OCSTAMP: variants seen among roughly 807,000 people sequenced by gnomAD.
The protein encoded by OCSTAMP is osteoclast stimulatory transmembrane protein.
A neutral mutation model predicts 25.2 loss-of-function variants in OCSTAMP; 17 were observed. That is an observed-to-expected ratio of 0.68 (90% CI 0.46 to 1.01). OCSTAMP has a LOEUF of 1.01. Among genes scored for constraint, OCSTAMP ranks in the 50% least tolerant of loss-of-function variants. The pLI is 0.00. For synonymous variants in OCSTAMP, 345 were observed against 318.9 expected (o/e 1.08, Z -0.87); for missense variants, 664 against 694.6 (o/e 0.96, Z 0.50).
At position 46,549,574 on chromosome 20, in the gene OCSTAMP, G is replaced by T. The variant is rs2061863810; in HGVS notation, c.44+943C>A. On this transcript the variant is annotated intron_variant, in intron 1 of 2. Coordinates refer to ENST00000279028, the MANE Select transcript of OCSTAMP (RefSeq NM_080721.3). ...CCCTGGAAGAGGTGACATTCCAGCT[G>T]GGGGTGGAAGGACAAGTGTCAGTTT... Among the ~76,000 whole-genome samples, 5 of 152,162 alleles carry T rather than the reference G, an allele frequency of 3.3e-5. No individual in the cohort carries two copies. In the South Asian group the frequency reaches 1.0e-3, roughly 32 times the overall value.
intron 1 of OCSTAMP, among the ~76,000 whole-genome samples, chr20:46,549,278 C>T (rs2146056436): frequency 6.6e-6 from 1 of 152,280 alleles, no homozygotes; most frequent in South Asian, 2.1e-4. Context: ...TAAAACTGCA[C>T]CACTTGTTAC....
At position 46,550,527 on chromosome 20, in the gene OCSTAMP, C is replaced by T. The variant is rs937395451; in HGVS notation, c.34G>A (p.Val12Ile). The T allele has an allele frequency of 6.4e-7, 1 of 1,551,722 alleles. No individual in the cohort carries two copies. Among genetic ancestry groups the T allele is most frequent in the Admixed American group, 2.0e-5 (1 of 51,012 alleles). ...PGHPGAAEQL[V>I]KTGWRSWHLG... ...AGTCCCCAGACCTACCCGGTCTTGA[C>T]AAGTTGCTCAGCTGCTCCTGGGTGG... Residue 12 changes from valine to isoleucine, a missense_variant, in exon 1 of 3, where the codon GTC becomes ATC. Physicochemically the swap from Val to Ile is conservative, Grantham distance 29 (BLOSUM62 3). Transcript: ENST00000279028.
Position 46,545,744 on chromosome 20 carries a change from A to G in OCSTAMP, c.630T>C (p.Asp210=). 1 of 1,551,550 alleles carries G rather than the reference A, an allele frequency of 6.4e-7. No homozygotes were observed. The highest frequency in any genetic ancestry group is 1.4e-5 in the African/African-American group (1 of 73,174). The part of the protein sequence containing the change: ...MLRVTQQVLE[D]FSGLESLARA... ...GGGCCAGGGACTCCAGGCCAGAGAA[A>G]TCCTCCAGGACCTGCTGAGTGACCC... is the stretch of plus-strand genomic sequence containing the variant. The change falls in exon 2 of 3, where the codon GAT becomes GAC. Residue 210 remains aspartate (D), a synonymous_variant. Transcript: ENST00000279028.
rs943635915 is a variant in OCSTAMP at position 46,546,305 on chromosome 20, G to A, written c.69C>T (p.Phe23=). ...CCTGCAGTGGGGCAAGGGCCTTCCA[G>A]AACCCCAAGTGCCAGGACCTCCACC... The part of the protein sequence containing the change: ...KTGWRSWHLG[F]WKALAPLQAA... The change falls in exon 2 of 3, where the codon TTC becomes TTT. Residue 23 remains phenylalanine, a synonymous_variant. Coordinates refer to ENST00000279028, the MANE Select transcript of OCSTAMP (RefSeq NM_080721.3). 1 of 1,548,204 alleles carries A rather than the reference G, an allele frequency of 6.5e-7. No homozygotes were observed.
chr20:46,546,979 G>A (rs2061855286), intron 1 of OCSTAMP, among the ~76,000 whole-genome samples: 1 of 152,232 alleles, frequency 6.6e-6, no homozygotes, highest in African/African-American at 2.4e-5. Flanking sequence ...CTTGCACTAT[G>A]TTAAGAGCGA....
Position 46,550,479 on chromosome 20 carries a change from C to A in OCSTAMP, c.44+38G>T, listed in dbSNP as rs913853873. 9.1e-6 allele frequency: 14 copies of A among 1,541,630 alleles called. No individual in the cohort carries two copies. In the African/African-American group the frequency reaches 1.9e-4, roughly 21 times the overall value. On this transcript the variant is annotated intron_variant, in intron 1 of 2. Transcript: ENST00000279028. Reference sequence around the variant, plus strand: ...CACCCCCAATGGCTGACTGTTTTCTCACCTGTAGCCCTCAGTGTCCAAAGT... The same window carrying A: ...CACCCCCAATGGCTGACTGTTTTCTAACCTGTAGCCCTCAGTGTCCAAAGT...
rs898119924 is a variant in OCSTAMP at position 46,550,591 on chromosome 20, C to T, written c.-31G>A. ...CCAAATGGCAGTGGTTTCAGGCGGGCGGTCGCTGGCAGCTGTGGCAGGTGG... is the reference window on the plus strand; with the variant it reads ...CCAAATGGCAGTGGTTTCAGGCGGGTGGTCGCTGGCAGCTGTGGCAGGTGG... On this transcript the variant is annotated 5_prime_UTR_variant, in exon 1 of 3. Coordinates refer to ENST00000279028, the MANE Select transcript of OCSTAMP (RefSeq NM_080721.3). 1.5e-5 allele frequency: 24 copies of T among 1,550,768 alleles called. No individual in the cohort carries two copies. Among genetic ancestry groups the T allele is most frequent in the East Asian group, 9.8e-5 (4 of 40,904 alleles).
Position 46,545,310 on chromosome 20 carries a change from C to G in OCSTAMP, c.1047+17G>C, listed in dbSNP as rs2061847555. ...CAAAACAATGACTCCCTTCCCTTTTCCCATCATCACACTTACATCATACTT... is the reference window on the plus strand; with the variant it reads ...CAAAACAATGACTCCCTTCCCTTTTGCCATCATCACACTTACATCATACTT... On this transcript the variant is annotated intron_variant, in intron 2 of 2. Transcript: ENST00000279028. The G allele has an allele frequency of 1.4e-6, 2 of 1,447,772 alleles. No homozygotes were observed. Among genetic ancestry groups the G allele is most frequent in the Non-Finnish European group, 9.1e-7 (1 of 1,098,296 alleles). The allele number at this position is 1,447,772 out of a possible 1,614,324, so 89.7% of individuals were successfully genotyped here.
Position 46,541,814 on chromosome 20 carries a change from G to C in OCSTAMP, c.1161C>G (p.Ala387=). The C allele has an allele frequency of 6.8e-7, 1 of 1,480,150 alleles. No homozygotes were observed. Among genetic ancestry groups the C allele is most frequent in the Non-Finnish European group, 8.9e-7 (1 of 1,119,940 alleles). 91.7% of individuals were successfully genotyped at this position (1,480,150 alleles called of 1,614,324 possible). The part of the protein sequence containing the change: ...SYQWELRLTS[A]RCPLLPARRP... ...GCCGGGCGGGTAGCAGTGGGCAGCG[G>C]GCGGAGGTGAGGCGGAGCTCCCATT... The change falls in exon 3 of 3, where the codon GCC becomes GCG. Residue 387 remains alanine, a synonymous_variant. Transcript: ENST00000279028.
chr20:46,546,304 AGAACCCCAAGTGCCAGGAC>A lies in OCSTAMP; in HGVS notation c.51_69del (p.Arg17SerfsTer27). ...GCCTGCAGTGGGGCAAGGGCCTTCC[AGAACCCCAAGTGCCAGGAC>A]CTCCACCTGCACACAAGGAAATTGA... On this transcript the variant is annotated frameshift_variant, in exon 2 of 3. Transcript: ENST00000279028. LOFTEE classifies it high-confidence loss of function. 1 of 1,549,298 alleles carries A rather than the reference AGAACCCCAAGTGCCAGGAC, an allele frequency of 6.5e-7. No homozygotes were observed. The highest frequency in any genetic ancestry group is 8.7e-7 in the Non-Finnish European group (1 of 1,146,602).
rs150098469 is a variant in OCSTAMP at position 46,549,963 on chromosome 20, AC to A, written c.44+553del. ...AGCTGGAGCTGAGTATCCACTACCC[AC>A]CTTTGACAGGGGAGCAGCCCTGCAG... On this transcript the variant is annotated intron_variant, in intron 1 of 2. Transcript: ENST00000279028. Among the ~76,000 whole-genome samples the A allele has an allele frequency of 4.2e-3, 644 of 152,162 alleles. 4 individuals are homozygous for A. The highest frequency in any genetic ancestry group is 0.015 in the African/African-American group (616 of 41,488).
chr20:46,542,238 C>A (rs1309055684), intron 2 of OCSTAMP, among the ~76,000 whole-genome samples: 1 of 152,152 alleles, frequency 6.6e-6, no homozygotes, highest in Non-Finnish European at 1.5e-5. Flanking sequence ...CCTATTCCAT[C>A]CAATATACAC....
intron 2 of OCSTAMP, among the ~76,000 whole-genome samples, chr20:46,542,383 C>T (rs1043246907): frequency 6.6e-6 from 1 of 152,000 alleles, no homozygotes; most frequent in African/African-American, 2.4e-5. Flanking sequence ...AGTTCGAGAC[C>T]AGCTTGGCTA....
Position 46,545,475 on chromosome 20 carries a change from A to T in OCSTAMP, c.899T>A (p.Leu300His), listed in dbSNP as rs1192592023. 6.4e-7 allele frequency: 1 copy of T among 1,551,496 alleles called. No individual in the cohort carries two copies. Among genetic ancestry groups the T allele is most frequent in the Non-Finnish European group, 8.7e-7 (1 of 1,146,940 alleles). The stretch of plus-strand genomic sequence containing the variant: ...CAGGGCAAGCAGCCCCAGCCTTAGA[A>T]GACAACTCAACAGCTCCTCCTGTGA... ...RLSQEELLSC[L>H]LRLGLLALLL... The change falls in exon 2 of 3, where the codon CTT (leucine) becomes CAT (histidine). Residue 300 changes from leucine (L) to histidine (H), a missense_variant. Physicochemically the swap from Leu to His is moderately conservative, Grantham distance 99. Coordinates refer to ENST00000279028, the MANE Select transcript of OCSTAMP (RefSeq NM_080721.3).
Position 46,541,931 on chromosome 20 carries a change from G to T in OCSTAMP, c.1048-4C>A. On this transcript the variant is annotated splice_polypyrimidine_tract_variant and splice_region_variant and intron_variant, in intron 2 of 2. Coordinates refer to ENST00000279028, the MANE Select transcript of OCSTAMP (RefSeq NM_080721.3). ...AGCCCAGGACAGTGTATGCCACCTT[G>T]GGAAAGGAGAAAAAGGCAGGGTCAA... The T allele has an allele frequency of 7.0e-7, 1 of 1,420,388 alleles. No homozygotes were observed. Among genetic ancestry groups the T allele is most frequent in the South Asian group, 1.6e-5 (1 of 62,628 alleles). 88.0% of individuals were successfully genotyped at this position (1,420,388 alleles called of 1,614,324 possible).
intron 1 of OCSTAMP, 22 bp from the exon 2 acceptor site, chr20:46,546,351 G>T (rs7274096): frequency 1.3e-6 from 2 of 1,539,538 alleles, no homozygotes; most frequent in African/African-American, 2.7e-5. Flanking sequence ...GAAATTGAAG[G>T]GCATCTCTAT....
At position 46,545,840 on chromosome 20, in the gene OCSTAMP, G is replaced by T. The variant is rs574533487; in HGVS notation, c.534C>A (p.Gly178=). 3.2e-6 allele frequency: 5 copies of T among 1,551,350 alleles called. No homozygotes were observed. Among genetic ancestry groups the T allele is most frequent in the South Asian group, 2.4e-5 (2 of 84,070 alleles). Residue 178 remains glycine (G), a synonymous_variant, in exon 2 of 3, where the codon GGC becomes GGA. Coordinates refer to ENST00000279028, the MANE Select transcript of OCSTAMP (RefSeq NM_080721.3). ...ATGTCAGGCCCCGGCTGCCTGCCTG[G>T]CCTGTGGGGCCCAGAGCCCTGGATG... ...HAASRALGPT[G]QAGSRGLTFE...
Position 46,546,099 on chromosome 20 carries a change from A to G in OCSTAMP, c.275T>C (p.Val92Ala), listed in dbSNP as rs1384169667. 1.3e-6 allele frequency: 2 copies of G among 1,551,734 alleles called. No homozygotes were observed. Among genetic ancestry groups the G allele is most frequent in the South Asian group, 1.2e-5 (1 of 84,060 alleles). Residue 92 changes from valine (V) to alanine (A), a missense_variant, in exon 2 of 3, where the codon GTC becomes GCC. Physicochemically the swap from Val to Ala is moderately conservative, Grantham distance 64. Coordinates refer to ENST00000279028, the MANE Select transcript of OCSTAMP (RefSeq NM_080721.3). ...GGGTACCAGGCCCAGGCTCAGGAAG[A>G]CCAGGAGGCCACAGACAGTGGCAAC... ...AMVATVCGLLVFLSLGLVPPV... is the reference protein window; with the variant it reads ...AMVATVCGLLAFLSLGLVPPV...
intron 1 of OCSTAMP, 51 bp from the exon 2 acceptor site, chr20:46,546,380 G>C: frequency 7.0e-7 from 1 of 1,434,868 alleles, no homozygotes; most frequent in East Asian, 2.5e-5. Flanking sequence ...GGGTGGGTGG[G>C]TGTCTGTCCA....
Sources: allele counts gnomAD v4.1 joint callset (sites outside exome capture counted in the v4.1 genomes callset), GRCh38; gene constraint gnomAD v4.1.1; transcripts MANE v1.5; gene names NCBI Gene and HGNC (gene_info 2026-07-23, HGNC 2026-07-21).